Variants in CCDC7 observed in about 807,000 individuals in gnomAD.
CCDC7 encodes coiled-coil domain-containing protein 7.
CCDC7 carries 183 observed loss-of-function variants against 196.9 expected under a neutral mutation model. The observed-to-expected ratio is 0.93, with a 90% CI of 0.82 to 1.05. The LOEUF is 1.05. Among genes scored for constraint, CCDC7 ranks in the 50% least tolerant of loss-of-function variants. CCDC7 has a pLI of 0.00. For synonymous variants in CCDC7, 525 were observed against 484.6 expected (o/e 1.08, Z -1.10); for missense variants, 1,540 against 1,482.2 (o/e 1.04, Z -0.64).
At chr10:32,864,686 C>T (rs2094139393) in intron 41 of CCDC7, among the ~76,000 whole-genome samples, 1 of 151,540 alleles carries the variant, frequency 6.6e-6, no homozygotes, top group Non-Finnish European at 1.5e-5. Context: ...CCAAAAAATA[C>T]AATTTAAATT....
intron 18 of CCDC7, among the ~76,000 whole-genome samples, chr10:32,607,169 C>T (rs914809310): frequency 6.6e-6 from 1 of 152,130 alleles, no homozygotes; most frequent in Non-Finnish European, 1.5e-5. Flanking sequence ...ACACTGGCTC[C>T]CCCTTTGCCC....
intron 16 of CCDC7, among the ~76,000 whole-genome samples, chr10:32,575,242 A>G (rs1377042349): frequency 6.6e-6 from 1 of 152,140 alleles, no homozygotes; most frequent in Non-Finnish European, 1.5e-5. Context: ...TTTCTTTTCA[A>G]TTTTTATCAA....
intron 9 of CCDC7, among the ~76,000 whole-genome samples, chr10:32,497,618 C>T (rs958008087): frequency 6.6e-6 from 1 of 152,134 alleles, no homozygotes; most frequent in African/African-American, 2.4e-5. Flanking sequence ...TTTCAAAGAA[C>T]ATCTTTATTC....
At chr10:32,802,926 T>C (rs1315017281) in intron 29 of CCDC7, among the ~76,000 whole-genome samples, 2 of 152,208 alleles carry the variant, frequency 1.3e-5, no homozygotes, top group Non-Finnish European at 2.9e-5. Flanking sequence ...CCCACCCAGA[T>C]TGAGAGTGGA....
At chr10:32,659,917 G>A (rs1227163803) in intron 20 of CCDC7, among the ~76,000 whole-genome samples, 1 of 152,136 alleles carries the variant, frequency 6.6e-6, no homozygotes, top group Non-Finnish European at 1.5e-5. Context: ...ACAGTATGGT[G>A]ATTCATCAAA....
intron 20 of CCDC7, among the ~76,000 whole-genome samples, chr10:32,640,874 TTC>T (rs1419601757): frequency 0.041 from 2,225 of 54,750 alleles, 51 homozygotes; most frequent in African/African-American, 0.065. Context: ...CTTTTTTTTT[TTC>T]TTTTTTTTTT....
chr10:32,851,718 A>G, intron 39 of CCDC7, 89 bp from the exon 41 acceptor site: 2 of 1,209,906 alleles, frequency 1.7e-6, no homozygotes, highest in Non-Finnish European at 2.3e-6. Context: ...AGATGCTTTG[A>G]TGTTGTGTGC....
chr10:32,698,370 T>A (rs2078076248), intron 24 of CCDC7, among the ~76,000 whole-genome samples: 1 of 151,980 alleles, frequency 6.6e-6, no homozygotes, highest in Admixed American at 6.6e-5. Flanking sequence ...TTGAGAGAAG[T>A]AGACTTCAGA....
chr10:32,653,641 C>T (rs963428116), intron 20 of CCDC7, among the ~76,000 whole-genome samples: 1 of 152,114 alleles, frequency 6.6e-6, no homozygotes, highest in Admixed American at 6.5e-5. Context: ...TATCTCAAAG[C>T]CTTTCTTCTT....
chr10:32,828,552 GAAGAAGA>G (rs1565635826), intron 32 of CCDC7, among the ~76,000 whole-genome samples: 8 of 147,882 alleles, frequency 5.4e-5, no homozygotes, highest in Non-Finnish European at 9.0e-5. Context: ...AGAAGAAGAA[GAAGAAGA>G]AAGAAGAAGA....
chr10:32,585,483 G>A (rs911326610), intron 18 of CCDC7, among the ~76,000 whole-genome samples: 31 of 152,006 alleles, frequency 2.0e-4, no homozygotes, highest in African/African-American at 6.3e-4. Flanking sequence ...CCATCAACCC[G>A]TCATCTACAT....
At chr10:32,659,769 A>G (rs987594336) in intron 20 of CCDC7, among the ~76,000 whole-genome samples, 2 of 152,208 alleles carry the variant, frequency 1.3e-5, no homozygotes, top group African/African-American at 2.4e-5. Flanking sequence ...AATGAAAACC[A>G]TGAGATGCCG....
intron 20 of CCDC7, among the ~76,000 whole-genome samples, chr10:32,639,745 A>G (rs1273007182): frequency 1.3e-5 from 2 of 150,954 alleles, no homozygotes; most frequent in Non-Finnish European, 2.9e-5. Context: ...CTCCTGCCTC[A>G]GCCTCTCCGA....
At chr10:32,859,212 AAT>A (rs1240674796) in intron 41 of CCDC7, among the ~76,000 whole-genome samples, 3 of 152,146 alleles carry the variant, frequency 2.0e-5, no homozygotes, top group Admixed American at 2.0e-4. Context: ...AATCATAACA[AAT>A]AGTCTCTCAG....
chr10:32,655,459 G>T (rs980117), intron 20 of CCDC7, among the ~76,000 whole-genome samples: 59,859 of 151,900 alleles, frequency 0.39, 12,028 homozygotes, highest in East Asian at 0.58. Context: ...GCTTTAATTT[G>T]CATTTCCCTG....
At chr10:32,602,083 G>A (rs189875122) in intron 18 of CCDC7, among the ~76,000 whole-genome samples, 8 of 152,176 alleles carry the variant, frequency 5.3e-5, no homozygotes, top group South Asian at 2.1e-4. Context: ...CTTTGGGTCC[G>A]CACTACCTTT....
intron 22 of CCDC7, among the ~76,000 whole-genome samples, chr10:32,882,317 C>T (rs563667063): frequency 1.1e-3 from 161 of 152,202 alleles, no homozygotes; most frequent in African/African-American, 3.6e-3. Flanking sequence ...TAGACATTAA[C>T]GGCGAGGGGT....
At chr10:32,572,866 C>CTGTTTTTT (rs2057734906) in intron 16 of CCDC7, among the ~76,000 whole-genome samples, 1 of 90,354 alleles carries the variant, frequency 1.1e-5, no homozygotes, top group African/African-American at 4.5e-5. Context: ...AAGCATGGTG[C>CTGTTTTTT]TTTTTTTTTT....
chr10:32,602,136 T>C (rs1564795813), intron 18 of CCDC7, among the ~76,000 whole-genome samples: 2 of 152,142 alleles, frequency 1.3e-5, no homozygotes, highest in African/African-American at 2.4e-5. Flanking sequence ...GCTTCATTCC[T>C]GAAGTCAGCG....
Sources: gnomAD v4.1 joint callset for allele counts (sites outside exome capture counted in the v4.1 genomes callset) on GRCh38, gnomAD v4.1.1 for gene constraint, MANE v1.5 for transcripts, NCBI Gene and HGNC (gene_info 2026-07-23, HGNC 2026-07-21) for gene names.